Variants in PTPN3 observed in about 807,000 individuals in gnomAD.
PTPN3 encodes tyrosine-protein phosphatase non-receptor type 3.
A neutral mutation model predicts 132.7 loss-of-function variants in PTPN3; 96 were observed. The ratio of observed to expected loss-of-function variants is 0.72; its 90% CI spans 0.61 to 0.86. PTPN3 has a LOEUF of 0.86. Among genes scored for constraint, PTPN3 ranks in the 40% least tolerant of loss-of-function variants. PTPN3 has a pLI of 0.00. For synonymous variants in PTPN3, 398 were observed against 429.0 expected (o/e 0.93, Z 0.89); for missense variants, 1,125 against 1,159.6 (o/e 0.97, Z 0.43).
intron 7 of PTPN3, among the ~76,000 whole-genome samples, chr9:109,444,127 A>G (rs896713536): frequency 2.0e-5 from 3 of 152,156 alleles, no homozygotes; most frequent in African/African-American, 4.8e-5. Flanking sequence ...TGCCTTATCT[A>G]TCTATCACAC....
In PTPN3 at chr9:109,379,623, T is replaced by C; in HGVS notation, c.2675A>G (p.Lys892Arg). 1.9e-6 allele frequency: 3 copies of C among 1,614,012 alleles called. No homozygotes were observed. Among genetic ancestry groups the C allele is most frequent in the Admixed American group, 1.7e-5 (1 of 60,032 alleles). The change falls in exon 26 of 26, where the codon AAG becomes AGG. Residue 892 changes from lysine (K) to arginine (R), a missense_variant. Lys to Arg is a conservative substitution (Grantham distance 26, BLOSUM62 2). Transcript: ENST00000374541. ...ACGAAGAATCGCTTCACACACAAACTTGTACTGGCTCTGGAAAAGAAAAAA... is the reference window on the plus strand; with the variant it reads ...ACGAAGAATCGCTTCACACACAAACCTGTACTGGCTCTGGAAAAGAAAAAA... ...AMMVQTSSQY[K>R]FVCEAILRVY... is the part of the protein sequence containing the mutation.
At chr9:109,450,841 T>C (rs117832387) in intron 5 of PTPN3, 10,256 of 985,368 alleles carry the variant, frequency 0.01, 67 homozygotes, top group Non-Finnish European at 0.012. Context: ...TTCAGAAAAA[T>C]GTAATGACCT....
At position 109,422,981 on chromosome 9, in the gene PTPN3, G is replaced by A. The variant is rs577571349; in HGVS notation, c.1002-129C>T. The A allele has an allele frequency of 1.6e-4, 188 of 1,162,328 alleles. No individual in the cohort carries two copies. In the African/African-American group the frequency reaches 2.8e-3, roughly 17 times the overall value. 72.0% of individuals were successfully genotyped at this position (1,162,328 alleles called of 1,614,324 possible). A position where few individuals can be genotyped will look rare whatever the true frequency, so the allele number is the denominator to read the frequency against. ...CAGGTTAATGCCAAGGTTATGGGGAGTAGAGGGAGACAGCTCAAAAGCGAT... is the reference window on the plus strand; with the variant it reads ...CAGGTTAATGCCAAGGTTATGGGGAATAGAGGGAGACAGCTCAAAAGCGAT... On this transcript the variant is annotated intron_variant, in intron 12 of 25. Coordinates refer to ENST00000374541, the MANE Select transcript of PTPN3 (RefSeq NM_002829.4).
intron 7 of PTPN3, among the ~76,000 whole-genome samples, chr9:109,444,319 C>G (rs1486116668): frequency 6.6e-6 from 1 of 152,138 alleles, no homozygotes; most frequent in Non-Finnish European, 1.5e-5. Flanking sequence ...TTTCATTGTG[C>G]CTACCCAGCA....
intron 7 of PTPN3, among the ~76,000 whole-genome samples, chr9:109,440,435 A>G (rs1448891543): frequency 6.6e-6 from 1 of 152,206 alleles, no homozygotes. Flanking sequence ...TCATGTTAAG[A>G]GTGAAGAAAT....
intron 13 of PTPN3, 65 bp downstream of exon 13, chr9:109,422,641 AAGTTGAGTTTTT>A: frequency 6.9e-7 from 1 of 1,447,740 alleles, no homozygotes; most frequent in Non-Finnish European, 9.3e-7. Flanking sequence ...AGGAGTTTAT[AAGTTGAGTTTTT>A]ATTTTTAAAA....
chr9:109,479,588 T>C (rs995230241), intron 1 of PTPN3, among the ~76,000 whole-genome samples: 3 of 152,200 alleles, frequency 2.0e-5, no homozygotes, highest in Non-Finnish European at 4.4e-5. Context: ...CTTTTTAAAA[T>C]TTTTTTGAGA....
rs1205096520 is a variant in PTPN3 at position 109,451,115 on chromosome 9, G to A, written c.369-2260C>T. On this transcript the variant is annotated intron_variant, in intron 5 of 25. Coordinates refer to ENST00000374541, the MANE Select transcript of PTPN3 (RefSeq NM_002829.4). ...CCAAGATAAGATGATCTGGCAGCTA[G>A]TCGTGGTGGTATGTGCCTATAATCC... is the stretch of plus-strand genomic sequence containing the variant. 3.1e-6 allele frequency: 3 copies of A among 970,412 alleles called. No individual in the cohort carries two copies. In the African/African-American group the frequency reaches 5.3e-5, roughly 17 times the overall value. The allele number at this position is 970,412 out of a possible 1,614,324, so 60.1% of individuals were successfully genotyped here.
chr9:109,379,861 G>T (rs1838880945), intron 25 of PTPN3, among the ~76,000 whole-genome samples: 1 of 152,218 alleles, frequency 6.6e-6, no homozygotes, highest in Admixed American at 6.5e-5. Flanking sequence ...GGGAGAAACT[G>T]GCGGTCTGGG....
chr9:109,471,289 C>G (rs866641209), intron 1 of PTPN3, among the ~76,000 whole-genome samples: 1 of 152,170 alleles, frequency 6.6e-6, no homozygotes, highest in South Asian at 2.1e-4. Context: ...AACTCCTGAC[C>G]TCAGGTGATT....
At chr9:109,519,571 G>A in the PTPN3 span, among the ~76,000 whole-genome samples, 80,481 of 151,520 alleles carry the variant, frequency 0.53, 22,446 homozygotes, top group East Asian at 0.85. Context: ...CTTCCTCAAG[G>A]TCACATAGCC....
intron 19 of PTPN3, among the ~76,000 whole-genome samples, chr9:109,396,815 T>G (rs745785184): frequency 2.6e-5 from 4 of 152,206 alleles, no homozygotes; most frequent in Non-Finnish European, 5.9e-5. Context: ...TTGGCTTAAA[T>G]ATTTCTTCTT....
intron 14 of PTPN3, among the ~76,000 whole-genome samples, chr9:109,416,570 C>G (rs867000096): frequency 6.6e-6 from 1 of 151,674 alleles, no homozygotes; most frequent in South Asian, 2.1e-4. Flanking sequence ...CTCAACCTCC[C>G]GAGCAGCCAG....
At chr9:109,533,560 C>G in the PTPN3 span, 2 of 1,597,964 alleles carry the variant, frequency 1.3e-6, no homozygotes, top group South Asian at 2.2e-5. Context: ...CATTGCCGTC[C>G]TCTCTAGGCT....
chr9:109,414,659 C>A (rs1842335933), intron 14 of PTPN3, among the ~76,000 whole-genome samples: 1 of 152,142 alleles, frequency 6.6e-6, no homozygotes, highest in African/African-American at 2.4e-5. Flanking sequence ...GCTTTATGAG[C>A]TCACAGTCTT....
chr9:109,443,678 A>G (rs762665416), intron 7 of PTPN3, among the ~76,000 whole-genome samples: 18 of 152,204 alleles, frequency 1.2e-4, no homozygotes, highest in Non-Finnish European at 7.3e-5. Context: ...TCTACAGATC[A>G]TAAGAATACA....
chr9:109,485,195 G>A (rs1162777995), intron 1 of PTPN3, among the ~76,000 whole-genome samples: 1 of 151,778 alleles, frequency 6.6e-6, no homozygotes, highest in East Asian at 1.9e-4. Flanking sequence ...GTGATAGAGT[G>A]AGACTCTGTC....
At chr9:109,449,087 A>G in intron 5 of PTPN3, 1 of 1,358,608 alleles carries the variant, frequency 7.4e-7, no homozygotes, top group Middle Eastern at 2.8e-4. Flanking sequence ...ATTTTCTGCC[A>G]GCACAGGCTG....
In PTPN3 at chr9:109,376,302, G is replaced by C. The variant is rs930027174; in HGVS notation, c.*3254C>G. The C allele has an allele frequency of 6.6e-6, 1 of 152,040 alleles. No homozygotes were observed. The highest frequency in any genetic ancestry group is 2.4e-5 in the African/African-American group (1 of 41,376). 9.4% of individuals were successfully genotyped at this position (152,040 alleles called of 1,614,324 possible). ...CTTTCCCCATTTCTGCTGCCTCTTT[G>C]TTGCCTCTGGAGGATGAAGAGGGCT... On this transcript the variant is annotated 3_prime_UTR_variant, in exon 26 of 26. Transcript: ENST00000374541.
Sources: gnomAD v4.1 joint callset for allele counts (sites outside exome capture counted in the v4.1 genomes callset) on GRCh38, gnomAD v4.1.1 for gene constraint, MANE v1.5 for transcripts, NCBI Gene and HGNC (gene_info 2026-07-23, HGNC 2026-07-21) for gene names.